SCN3A: variants seen among roughly 807,000 people sequenced by gnomAD.
SCN3A encodes sodium channel protein type 3 subunit alpha.
SCN3A carries 60 observed loss-of-function variants against 187.6 expected under a neutral mutation model. The ratio of observed to expected loss-of-function variants is 0.32; its 90% CI spans 0.26 to 0.40. The LOEUF is 0.40. Among genes scored for constraint, SCN3A ranks in the 10% least tolerant of loss-of-function variants. The pLI is 1.00. For missense variants in SCN3A, 1,601 were observed against 2,428.2 expected (o/e 0.66, Z 7.16); for synonymous variants, 788 against 829.2 (o/e 0.95, Z 0.85).
chr2:165,170,572 AT>A (rs774416469), intron 3 of SCN3A, 24 bp from the exon 4 acceptor site: 7 of 1,343,800 alleles, frequency 5.2e-6, no homozygotes, highest in Non-Finnish European at 7.5e-6. Flanking sequence ...TACGAGTAAA[AT>A]TACTAAATTA....
chr2:165,109,803 A>G (rs962768447), intron 21 of SCN3A, among the ~76,000 whole-genome samples: 1 of 152,224 alleles, frequency 6.6e-6, no homozygotes, highest in African/African-American at 2.4e-5. Flanking sequence ...ACATAATGTT[A>G]ACATATATGA....
intron 18 of SCN3A, chr2:165,119,853 A>G (rs1208981879): frequency 6.6e-6 from 1 of 152,214 alleles, no homozygotes; most frequent in Non-Finnish European, 1.5e-5. Flanking sequence ...ATACTAAATA[A>G]CTAAATTCAT....
chr2:165,171,896 A>C (rs1405159536), intron 3 of SCN3A, among the ~76,000 whole-genome samples: 3 of 152,114 alleles, frequency 2.0e-5, no homozygotes, highest in Admixed American at 2.0e-4. Context: ...GTTTGCAAAT[A>C]AACACTTGTT....
intron 5 of SCN3A, among the ~76,000 whole-genome samples, chr2:165,165,268 A>C (rs1182030668): frequency 6.6e-6 from 1 of 150,866 alleles, no homozygotes; most frequent in African/African-American, 2.4e-5. Flanking sequence ...GTGTGTGTGC[A>C]TGAGCATGCT....
In SCN3A at chr2:165,129,057, T is replaced by C. The variant is rs975672991; in HGVS notation, c.2922+883A>G. ...TTTGCTTCCTTACTTCTGTATCAGA[T>C]TTTTTCAGAATCTAGAGCTCCCTAA... On this transcript the variant is annotated intron_variant, in intron 17 of 27. Coordinates refer to ENST00000283254, the MANE Select transcript of SCN3A (RefSeq NM_006922.4). Among the ~76,000 whole-genome samples the C allele has an allele frequency of 9.2e-5, 14 of 152,168 alleles. No homozygotes were observed. The South Asian group carries it at 1.7e-3, about 18-fold the overall frequency.
At chr2:165,116,422 C>T (rs1559196925) in intron 18 of SCN3A, among the ~76,000 whole-genome samples, 1 of 152,116 alleles carries the variant, frequency 6.6e-6, no homozygotes, top group Non-Finnish European at 1.5e-5. Context: ...ACTCTGAGAT[C>T]ACTTGGGAAG....
intron 21 of SCN3A, among the ~76,000 whole-genome samples, chr2:165,106,868 A>G (rs1419091788): frequency 2.6e-5 from 4 of 152,194 alleles, no homozygotes; most frequent in Non-Finnish European, 5.9e-5. Flanking sequence ...AGGCAGGAAC[A>G]TTTAGTAAGC....
rs879165575 is a variant in SCN3A at position 165,115,373 on chromosome 2, AT to A, written c.3514+81del. 7.1e-3 allele frequency: 9,017 copies of A among 1,269,228 alleles called. 5 individuals are homozygous for A. The highest frequency in any genetic ancestry group is 7.6e-3 in the Non-Finnish European group (6,973 of 919,352). 78.6% of individuals were successfully genotyped at this position (1,269,228 alleles called of 1,614,324 possible). On this transcript the variant is annotated intron_variant, in intron 19 of 27. Coordinates refer to ENST00000283254, the MANE Select transcript of SCN3A (RefSeq NM_006922.4). ...TAAGCCACCACACCTCGTTTCATAAATTTTTTTTTTTAAATGAGGCATATTC... is the reference window on the plus strand; with the variant it reads ...TAAGCCACCACACCTCGTTTCATAAATTTTTTTTTTAAATGAGGCATATTC...
At chr2:165,148,995 A>T (rs1688515505) in intron 11 of SCN3A, among the ~76,000 whole-genome samples, 1 of 152,106 alleles carries the variant, frequency 6.6e-6, no homozygotes, top group Non-Finnish European at 1.5e-5. Flanking sequence ...AACAGTGAAT[A>T]TATATATACC....
intron 14 of SCN3A, among the ~76,000 whole-genome samples, chr2:165,138,783 T>C (rs1293244648): frequency 6.6e-6 from 1 of 152,208 alleles, no homozygotes; most frequent in Admixed American, 6.6e-5. Context: ...ATATAAAATG[T>C]AATTGATGTT....
At chr2:165,131,716 G>A (rs1344617301) in intron 15 of SCN3A, among the ~76,000 whole-genome samples, 1 of 149,472 alleles carries the variant, frequency 6.7e-6, no homozygotes, top group Non-Finnish European at 1.5e-5. Context: ...TCGTCATTTA[G>A]CATTAGGTAT....
intron 15 of SCN3A, among the ~76,000 whole-genome samples, chr2:165,133,586 T>TG (rs1434047623): frequency 3.3e-5 from 5 of 151,504 alleles, no homozygotes; most frequent in Non-Finnish European, 5.9e-5. Context: ...TCAAGTGATC[T>TG]GCCCGCCTCA....
At chr2:165,131,609 T>C (rs927492836) in intron 15 of SCN3A, among the ~76,000 whole-genome samples, 192 bp from the exon 16 acceptor site, 46 of 151,752 alleles carry the variant, frequency 3.0e-4, no homozygotes, top group Admixed American at 5.9e-4. Context: ...TTTTATTTTA[T>C]TATTATTATA....
At chr2:165,199,036 G>A (rs1397049305) in intron 1 of SCN3A, among the ~76,000 whole-genome samples, 1 of 151,960 alleles carries the variant, frequency 6.6e-6, no homozygotes, top group African/African-American at 2.4e-5. Flanking sequence ...GGAATTTAGT[G>A]AATTATTCCA....
At position 165,140,365 on chromosome 2, in the gene SCN3A, C is replaced by G. The variant is rs913170440; in HGVS notation, c.2019+286G>C. 6.6e-6 allele frequency among the ~76,000 whole-genome samples: 1 copy of G among 151,668 alleles called. No individual in the cohort carries two copies. The highest frequency in any genetic ancestry group is 1.5e-5 in the Non-Finnish European group (1 of 67,940). On this transcript the variant is annotated intron_variant, in intron 13 of 27. Transcript: ENST00000283254. This position sits in a 1 kb window ranked among gnomAD's most constrained non-coding sequence, Gnocchi z 4.2. ...ATGTCCATTATTTGTCTCGGTAGGT[C>G]TACCAAATTTGCAGATATGTATTTC... is the stretch of plus-strand genomic sequence containing the variant.
intron 13 of SCN3A, among the ~76,000 whole-genome samples, chr2:165,139,889 T>C (rs1437142658): frequency 6.6e-6 from 1 of 152,178 alleles, no homozygotes; most frequent in African/African-American, 2.4e-5. Flanking sequence ...TCAAGGAAAT[T>C]TGTTGTAAAC....
At chr2:165,186,263 C>CT (rs1277708564) in intron 2 of SCN3A, among the ~76,000 whole-genome samples, 2 of 151,330 alleles carry the variant, frequency 1.3e-5, no homozygotes, top group African/African-American at 4.9e-5. Flanking sequence ...GAGAGAGACT[C>CT]TGTCTCAAAA....
chr2:165,103,611 T>C (rs1685711873), intron 21 of SCN3A, among the ~76,000 whole-genome samples: 1 of 152,192 alleles, frequency 6.6e-6, no homozygotes, highest in South Asian at 2.1e-4. Flanking sequence ...GGTTCAGTTG[T>C]CATCCACACC....
At chr2:165,163,492 C>T in intron 7 of SCN3A, 126 bp downstream of exon 7, 2 of 1,133,258 alleles carry the variant, frequency 1.8e-6, no homozygotes, top group Admixed American at 2.0e-5. Context: ...GACATTGAAA[C>T]ATCATTTGGC....
Sources: gnomAD v4.1 joint callset for allele counts (sites outside exome capture counted in the v4.1 genomes callset) on GRCh38, gnomAD v4.1.1 for gene constraint, Gnocchi (gnomAD v3.1) non-coding constraint, MANE v1.5 for transcripts, NCBI Gene and HGNC (gene_info 2026-07-23, HGNC 2026-07-21) for gene names.